SIPA1L1: variants seen among roughly 807,000 people sequenced by gnomAD.
SIPA1L1 encodes the protein signal induced proliferation associated 1 like 1.
SIPA1L1 carries 26 observed loss-of-function variants against 162.7 expected under a neutral mutation model. The ratio of observed to expected loss-of-function variants is 0.16; its 90% confidence interval spans 0.12 to 0.22. SIPA1L1 has a LOEUF of 0.22. Ranked by LOEUF, SIPA1L1 falls within the 10% of genes least tolerant of loss-of-function variation. The pLI, the probability that SIPA1L1 is intolerant of heterozygous loss-of-function variation, is 1.00. For synonymous variants in SIPA1L1, 829 were observed against 837.4 expected, an observed-to-expected ratio of 0.99 and a Z score of 0.17; for missense variants, 1,874 against 2,241.0, an observed-to-expected ratio of 0.84 and a Z score of 3.31.
intron 2 of SIPA1L1, among the ~76,000 whole-genome samples, chr14:71,491,814 C>CACACACACA (rs766383755): frequency 1.5e-5 from 1 of 68,898 alleles, no homozygotes; most frequent in African/African-American, 4.7e-5. Context: ...ACACACACAC[C>CACACACACA]CCTTCCCCCG....
At chr14:71,663,742 A>G (rs1433312569) in intron 10 of SIPA1L1, among the ~76,000 whole-genome samples, 1 of 152,182 alleles carries the variant, frequency 6.6e-6, no homozygotes, top group Non-Finnish European at 1.5e-5. Context: ...TTTGAACCCC[A>G]TCATTTAATG....
chr14:71,422,887 T>G (rs1301693992), intron 2 of SIPA1L1, among the ~76,000 whole-genome samples: 1 of 152,220 alleles, frequency 6.6e-6, no homozygotes, highest in Non-Finnish European at 1.5e-5. Context: ...TTAAAAAATT[T>G]TGATGAACTG....
At chr14:71,655,965 T>TAGA (rs2043019209) in intron 8 of SIPA1L1, among the ~76,000 whole-genome samples, 2 of 152,214 alleles carry the variant, frequency 1.3e-5, no homozygotes, top group Admixed American at 1.3e-4. Context: ...ACATTCTTTT[T>TAGA]TCATTCTTTC....
chr14:71,675,377 A>G (rs1316130926), intron 12 of SIPA1L1, among the ~76,000 whole-genome samples: 3 of 152,106 alleles, frequency 2.0e-5, no homozygotes, highest in Non-Finnish European at 4.4e-5. Context: ...GAAAAGCCAT[A>G]CAGTTTCCAT....
chr14:71,337,280 A>G (rs780711398), intron 2 of SIPA1L1, among the ~76,000 whole-genome samples: 32 of 152,138 alleles, frequency 2.1e-4, no homozygotes, highest in Non-Finnish European at 2.9e-4. Flanking sequence ...AGTTTTAGTT[A>G]TATTTAATTC....
chr14:71,512,296 G>A (rs1375647040), intron 2 of SIPA1L1, among the ~76,000 whole-genome samples: 1 of 152,086 alleles, frequency 6.6e-6, no homozygotes, highest in African/African-American at 2.4e-5. Flanking sequence ...TACTTAACCA[G>A]CCTGACTGGC....
intron 2 of SIPA1L1, among the ~76,000 whole-genome samples, chr14:71,427,498 A>C (rs2043658492): frequency 6.6e-6 from 1 of 152,092 alleles, no homozygotes; most frequent in South Asian, 2.1e-4. Context: ...AATGTGTATC[A>C]ATGGGGGTCT....
chr14:71,352,857 G>A (rs1201273660), intron 2 of SIPA1L1, among the ~76,000 whole-genome samples: 1 of 152,158 alleles, frequency 6.6e-6, no homozygotes, highest in Non-Finnish European at 1.5e-5. Context: ...TCAAGATTTG[G>A]CATCTCCTGC....
chr14:71,574,177 T>A (rs914722809), intron 4 of SIPA1L1: 3 of 173,810 alleles, frequency 1.7e-5, no homozygotes, highest in East Asian at 3.2e-4. Flanking sequence ...GGGGTGGGAG[T>A]GGAAGGGGTG....
intron 4 of SIPA1L1, among the ~76,000 whole-genome samples, chr14:71,561,612 T>G (rs977511105): frequency 6.6e-6 from 1 of 152,226 alleles, no homozygotes; most frequent in Non-Finnish European, 1.5e-5. Flanking sequence ...AGATGGAGTT[T>G]CATTCACTCT....
intron 7 of SIPA1L1, among the ~76,000 whole-genome samples, chr14:71,630,271 G>A (rs2040438215): frequency 1.3e-5 from 2 of 152,234 alleles, no homozygotes; most frequent in African/African-American, 4.8e-5. Context: ...AGTGGCATCT[G>A]TAGCTTTGTC....
At chr14:71,708,345 G>T in intron 16 of SIPA1L1, among the ~76,000 whole-genome samples, 1 of 149,028 alleles carries the variant, frequency 6.7e-6, no homozygotes. Flanking sequence ...TTTGAGACAG[G>T]GTATCACTCT....
intron 7 of SIPA1L1, among the ~76,000 whole-genome samples, chr14:71,645,574 G>A (rs2042086260): frequency 6.6e-6 from 1 of 152,200 alleles, no homozygotes; most frequent in Non-Finnish European, 1.5e-5. Flanking sequence ...CAAGTGTCTA[G>A]ATTTAATACA....
At position 71,709,596 on chromosome 14, in the gene SIPA1L1, A is replaced by AGCC. The variant is rs780505174; in HGVS notation, c.4142_4144dup (p.Ala1381dup). 6.2e-7 allele frequency: 1 copy of AGCC among 1,614,224 alleles called. No homozygotes were observed. The highest frequency in any genetic ancestry group is 8.5e-7 in the Non-Finnish European group (1 of 1,180,042). On this transcript the variant is annotated inframe_insertion, in exon 17 of 24. Coordinates refer to ENST00000381232, the MANE Select transcript of SIPA1L1 (RefSeq NM_001386936.1). ...GCTTAGACATACACAGCAAGAGCCA[A>AGCC]GCCGGCTCGACCCCTCTGACAAGGG...
At chr14:71,544,175 ACG>A (rs2054881298) in intron 4 of SIPA1L1, among the ~76,000 whole-genome samples, 1 of 151,198 alleles carries the variant, frequency 6.6e-6, no homozygotes, top group African/African-American at 2.4e-5. Flanking sequence ...ACATATATGC[ACG>A]TGTGTGTATA....
chr14:71,358,433 G>C (rs1297999787), intron 2 of SIPA1L1, among the ~76,000 whole-genome samples: 1 of 152,148 alleles, frequency 6.6e-6, no homozygotes, highest in Non-Finnish European at 1.5e-5. Context: ...TTGCCATTAC[G>C]TGTATAGTCG....
chr14:71,450,565 C>T (rs2045738563), intron 2 of SIPA1L1, among the ~76,000 whole-genome samples: 1 of 152,016 alleles, frequency 6.6e-6, no homozygotes, highest in East Asian at 1.9e-4. Flanking sequence ...GTACTGCATT[C>T]AACTTCGGAG....
At chr14:71,711,398 T>C (rs192850110) in intron 17 of SIPA1L1, among the ~76,000 whole-genome samples, 31 of 152,360 alleles carry the variant, frequency 2.0e-4, no homozygotes, top group African/African-American at 7.2e-4. Context: ...CTTAGAACAT[T>C]TTGCATATCT....
At chr14:71,653,457 T>C (rs1430329311) in intron 8 of SIPA1L1, among the ~76,000 whole-genome samples, 1 of 152,188 alleles carries the variant, frequency 6.6e-6, no homozygotes, top group Admixed American at 6.6e-5. Flanking sequence ...TTCTTTCTCT[T>C]TGGTATTCTG....
Sources: gnomAD v4.1 joint callset for allele counts (sites outside exome capture counted in the v4.1 genomes callset) on GRCh38, gnomAD v4.1.1 for gene constraint, MANE v1.5 for transcripts, NCBI Gene and HGNC (gene_info 2026-07-23, HGNC 2026-07-21) for gene names.